The following UBA6 variants were observed in gnomAD, a reference collection of about 807,000 sequenced individuals.
UBA6 encodes the protein ubiquitin like modifier activating enzyme 6.
Under a neutral mutation model 148.3 loss-of-function variants are expected in UBA6, and 87 were observed. The observed-to-expected ratio is 0.59, with a 90% confidence interval of 0.49 to 0.70. The LOEUF is 0.70. Ranked by LOEUF, UBA6 falls within the 30% of genes least tolerant of loss-of-function variation. The probability of loss-of-function intolerance (pLI) is 0.00; values close to 1 mark genes in which losing one functional copy is unlikely to be tolerated. For synonymous variants in UBA6, 376 were observed against 401.0 expected (o/e 0.94, Z 0.75); for missense variants, 1,186 against 1,241.2 (o/e 0.96, Z 0.67).
At chr4:67,693,157 C>A (rs1288163105) in intron 2 of UBA6, among the ~76,000 whole-genome samples, 1 of 152,112 alleles carries the variant, frequency 6.6e-6, no homozygotes, top group Non-Finnish European at 1.5e-5. Flanking sequence ...CCTAAGACAA[C>A]AAAACCAACT....
chr4:67,658,876 C>A (rs2170871), intron 13 of UBA6, among the ~76,000 whole-genome samples: 57,844 of 151,840 alleles, frequency 0.38, 11,137 homozygotes, highest in Middle Eastern at 0.5. Context: ...ATAAAAAGGC[C>A]TGAGGGAACT....
rs560750935 is a variant in UBA6 at position 67,685,567 on chromosome 4, A to G, written c.135-3354T>C. ...TATGAGGACAAAAATTTGGGGGGCC[A>G]GGAGCAAATGCTACACTTTGAATGT... On this transcript the variant is annotated intron_variant, in intron 2 of 32. Coordinates refer to ENST00000322244, the MANE Select transcript of UBA6 (RefSeq NM_018227.6). Among the ~76,000 whole-genome samples, 14 of 152,330 alleles carry G rather than the reference A, an allele frequency of 9.2e-5. No individual in the cohort carries two copies. In the East Asian group the frequency reaches 2.5e-3, roughly 27 times the overall value.
chr4:67,634,220 A>G, intron 22 of UBA6, 22 bp downstream of exon 22: 1 of 1,506,144 alleles, frequency 6.6e-7, no homozygotes, highest in Non-Finnish European at 9.0e-7. Flanking sequence ...TTAAGTTTGT[A>G]TTAAAATTTA....
At chr4:67,638,658 G>A (rs1459369227) in intron 19 of UBA6, among the ~76,000 whole-genome samples, 4 of 152,140 alleles carry the variant, frequency 2.6e-5, no homozygotes, top group Non-Finnish European at 4.4e-5. Flanking sequence ...AAAACTGAAA[G>A]GCACATACAG....
intron 28 of UBA6, among the ~76,000 whole-genome samples, chr4:67,625,452 A>T (rs577554353): frequency 6.6e-6 from 1 of 151,680 alleles, no homozygotes; most frequent in Non-Finnish European, 1.5e-5. Context: ...TTCTGTATTT[A>T]AAAAAACTTT....
intron 14 of UBA6, among the ~76,000 whole-genome samples, chr4:67,648,293 C>A (rs1729469141): frequency 1.3e-5 from 2 of 150,960 alleles, no homozygotes; most frequent in African/African-American, 4.9e-5. Flanking sequence ...ATAATGAAAT[C>A]CCATCTCTAC....
chr4:67,626,477 C>T lies in UBA6; in HGVS notation c.2401G>A (p.Val801Ile). Reference protein sequence around the residue: ...KIQEFKPSNKVVQTDETARKP... With the variant: ...KIQEFKPSNKIVQTDETARKP... ...CTTGCAGTTTCATCTGTTTGAACAACCTTTGAATATATGAATATATTTTTA... is the reference window on the plus strand; with the variant it reads ...CTTGCAGTTTCATCTGTTTGAACAATCTTTGAATATATGAATATATTTTTA... The change falls in exon 28 of 33, where the codon GTT becomes ATT. Residue 801 changes from valine to isoleucine, a missense_variant and splice_region_variant. Coordinates refer to ENST00000322244, the MANE Select transcript of UBA6 (RefSeq NM_018227.6). 1 of 1,570,630 alleles carries T rather than the reference C, an allele frequency of 6.4e-7. No homozygotes were observed. The highest frequency in any genetic ancestry group is 8.7e-7 in the Non-Finnish European group (1 of 1,146,566).
chr4:67,640,139 TC>T (rs2109911806), intron 18 of UBA6, among the ~76,000 whole-genome samples: 1 of 152,342 alleles, frequency 6.6e-6, no homozygotes, highest in Non-Finnish European at 1.5e-5. Flanking sequence ...TTCTGTCTCT[TC>T]TCACATTCTT....
intron 31 of UBA6, 104 bp from the exon 32 acceptor site, chr4:67,623,029 C>G (rs1306419583): frequency 7.4e-7 from 1 of 1,346,372 alleles, no homozygotes; most frequent in Non-Finnish European, 1.0e-6. Context: ...GTAAAAAAAG[C>G]AAATTCATGG....
chr4:67,657,728 A>G (rs1729734023), intron 13 of UBA6, among the ~76,000 whole-genome samples: 1 of 151,198 alleles, frequency 6.6e-6, no homozygotes, highest in Non-Finnish European at 1.5e-5. Context: ...CTATCATCAG[A>G]GTGAACAGCA....
intron 17 of UBA6, among the ~76,000 whole-genome samples, chr4:67,642,049 T>C (rs1353812205): frequency 6.6e-6 from 1 of 152,106 alleles, no homozygotes; most frequent in African/African-American, 2.4e-5. Flanking sequence ...TGTAATTATG[T>C]TAGGGAGTGT....
At chr4:67,646,943 A>G in intron 14 of UBA6, 152 bp from the exon 15 acceptor site, 2 of 226,524 alleles carry the variant, frequency 8.8e-6, no homozygotes, top group South Asian at 1.6e-4. Flanking sequence ...TTAAAAATAT[A>G]TAATATACAT....
At chr4:67,673,645 G>T (rs2109942568) in intron 7 of UBA6, 52 bp downstream of exon 7, 2 of 1,272,072 alleles carry the variant, frequency 1.6e-6, no homozygotes, top group Non-Finnish European at 2.3e-6. Context: ...TTCTACTAGT[G>T]AAAGTGTTCT....
At position 67,654,765 on chromosome 4, in the gene UBA6, C is replaced by T. The variant is rs1364870348; in HGVS notation, c.1105-5554G>A. On this transcript the variant is annotated intron_variant, in intron 13 of 32. Transcript: ENST00000322244. ...GCAAATTGGATAAAGAGTCAAGACC[C>T]ATCAGCGTGCTGTATTCACGAGACC... Among the ~76,000 whole-genome samples the T allele has an allele frequency of 2.0e-5, 3 of 151,538 alleles. No homozygotes were observed. The East Asian group carries it at 5.8e-4, about 29-fold the overall frequency.
In UBA6 at chr4:67,690,841, A is replaced by G. The variant is rs1383055784; in HGVS notation, c.134+5804T>C. On this transcript the variant is annotated intron_variant, in intron 2 of 32. Coordinates refer to ENST00000322244, the MANE Select transcript of UBA6 (RefSeq NM_018227.6). ...TGTGGAGAAATTGGAACTTTTGTGC[A>G]CTGTTGGAAATGTAGAATGGTGCAG... 2.0e-5 allele frequency among the ~76,000 whole-genome samples: 3 copies of G among 152,294 alleles called. No homozygotes were observed. The East Asian group carries it at 5.8e-4, about 29-fold the overall frequency.
chr4:67,639,916 C>T (rs1269174212), intron 18 of UBA6, among the ~76,000 whole-genome samples: 1 of 152,142 alleles, frequency 6.6e-6, no homozygotes, highest in Non-Finnish European at 1.5e-5. Flanking sequence ...CCATGGCTAA[C>T]TGAAACTGTG....
intron 27 of UBA6, among the ~76,000 whole-genome samples, chr4:67,628,367 C>A (rs138717436): frequency 1.3e-5 from 2 of 151,820 alleles, no homozygotes; most frequent in Admixed American, 1.3e-4. Context: ...CTAGACGAGT[C>A]CTGACCTTAA....
At chr4:67,663,594 A>T (rs1253244359) in intron 11 of UBA6, 1 of 416,854 alleles carries the variant, frequency 2.4e-6, no homozygotes, top group Non-Finnish European at 4.3e-6. Context: ...TTTTAATAAG[A>T]TCATCTTTGT....
intron 32 of UBA6, 82 bp downstream of exon 32, chr4:67,622,749 A>T: frequency 1.1e-6 from 1 of 928,406 alleles, no homozygotes. Context: ...GAATTATAGT[A>T]ACCTCTATAT....
Sources: gnomAD v4.1 joint callset for allele counts (sites outside exome capture counted in the v4.1 genomes callset) on GRCh38, gnomAD v4.1.1 for gene constraint, MANE v1.5 for transcripts, NCBI Gene and HGNC (gene_info 2026-07-23, HGNC 2026-07-21) for gene names.